The following DEDD2 variants were observed in gnomAD, a reference collection of about 807,000 sequenced individuals.
DEDD2 encodes the protein DNA-binding death effector domain-containing protein 2.
A neutral mutation model predicts 28.9 loss-of-function variants in DEDD2; 18 were observed. The ratio of observed to expected loss-of-function variants is 0.62; its 90% confidence interval spans 0.43 to 0.92. DEDD2 has a LOEUF of 0.92. Among genes scored for constraint, DEDD2 ranks in the 40% least tolerant of loss-of-function variants. The pLI is 0.00. For missense variants in DEDD2, 411 were observed against 463.3 expected (o/e 0.89, Z 1.04); for synonymous variants, 211 against 206.1 (o/e 1.02, Z -0.20).
chr19:42,209,562 A>C lies in DEDD2; in HGVS notation c.589+138T>G, dbSNP rs764160840. ...AGGCAAGATGGCGAGAGAAAGGACA[A>C]GAATTCCACTGTGGTGAACGAGAGC... On this transcript the variant is annotated intron_variant, in intron 4 of 4. Transcript: ENST00000596251. The C allele has an allele frequency of 5.5e-5, 70 of 1,278,712 alleles. 1 individual carries two copies. In the Middle Eastern group the frequency reaches 1.8e-3, roughly 32 times the overall value. 79.2% of individuals were successfully genotyped at this position (1,278,712 alleles called of 1,614,324 possible).
intron 4 of DEDD2, among the ~76,000 whole-genome samples, chr19:42,202,797 C>T (rs113967874): frequency 2.5e-4 from 38 of 152,330 alleles, no homozygotes; most frequent in South Asian, 4.1e-4. Flanking sequence ...CACACACTCC[C>T]ACCTCTGAGC....
At chr19:42,217,361 ACT>A (rs1450695703) in intron 1 of DEDD2, among the ~76,000 whole-genome samples, 2 of 151,718 alleles carry the variant, frequency 1.3e-5, no homozygotes, top group East Asian at 3.9e-4. Flanking sequence ...ACTGCCCCTG[ACT>A]CTGGGTAGGA....
At chr19:42,219,140 A>G (rs2036082118), upstream of DEDD2, among the ~76,000 whole-genome samples, 1 of 151,716 alleles carries the variant, frequency 6.6e-6, no homozygotes, top group South Asian at 2.1e-4. Context: ...CCCCATCTCT[A>G]CTAAAAATAC....
intron 3 of DEDD2, among the ~76,000 whole-genome samples, chr19:42,212,465 CG>C (rs961484772): frequency 6.7e-6 from 1 of 149,452 alleles, no homozygotes; most frequent in Non-Finnish European, 1.5e-5. Flanking sequence ...ACACCCGGCT[CG>C]TTTTTTTTTT....
rs1162473827 is a variant in DEDD2 at position 42,199,077 on chromosome 19, G to A, written c.*361C>T. On this transcript the variant is annotated 3_prime_UTR_variant, in exon 5 of 5. Transcript: ENST00000596251. This position sits in a 1 kb window ranked among gnomAD's most constrained non-coding sequence, Gnocchi z 7.4. ...CAGCAGGGGCAGTGTGAGCATGAGC[G>A]AGTGTGTGCACCTGTGACAGTGCAG... 7 of 255,168 alleles carry A rather than the reference G, an allele frequency of 2.7e-5. No individual in the cohort carries two copies. The highest frequency in any genetic ancestry group is 6.8e-5 in the South Asian group (1 of 14,694). The allele number at this position is 255,168 out of a possible 1,614,324, so 15.8% of individuals were successfully genotyped here.
At chr19:42,209,297 C>T (rs1009090889) in intron 4 of DEDD2, among the ~76,000 whole-genome samples, 6 of 152,236 alleles carry the variant, frequency 3.9e-5, no homozygotes, top group South Asian at 2.1e-4. Flanking sequence ...AATTACTGGC[C>T]TGAGGTCAGA....
At chr19:42,210,787 C>A (rs1004803314) in intron 3 of DEDD2, among the ~76,000 whole-genome samples, 1 of 151,854 alleles carries the variant, frequency 6.6e-6, no homozygotes, top group East Asian at 1.9e-4. Flanking sequence ...ACAAATAGGC[C>A]GCACACGGTG....
intron 4 of DEDD2, among the ~76,000 whole-genome samples, chr19:42,200,820 G>A (rs940003219): frequency 4.6e-5 from 7 of 152,220 alleles, no homozygotes; most frequent in African/African-American, 1.7e-4. Context: ...CCCCACATCT[G>A]CGCAAAAGAG....
At chr19:42,214,366 G>A (rs548311061) in intron 3 of DEDD2, among the ~76,000 whole-genome samples, 6 of 152,000 alleles carry the variant, frequency 3.9e-5, no homozygotes, top group Admixed American at 2.0e-4. Flanking sequence ...GCTGAGGCAG[G>A]AGAATTGCTT....
At chr19:42,217,114 G>T in intron 1 of DEDD2, 69 bp from the exon 2 acceptor site, 1 of 1,228,046 alleles carries the variant, frequency 8.1e-7, no homozygotes, top group South Asian at 1.3e-5. Context: ...CACCGCCAGC[G>T]CGTCTCCCCC....
At chr19:42,201,993 A>G in intron 4 of DEDD2, 1 of 398,714 alleles carries the variant, frequency 2.5e-6, no homozygotes, top group Non-Finnish European at 4.4e-6. Context: ...ACAGACCTTG[A>G]GGTGAGTCCC....
At chr19:42,213,418 T>C (rs2035842675) in intron 3 of DEDD2, among the ~76,000 whole-genome samples, 1 of 152,140 alleles carries the variant, frequency 6.6e-6, no homozygotes. Flanking sequence ...ATAGACTGTT[T>C]ACTAACCATG....
In DEDD2 at chr19:42,216,855, C is replaced by G. The variant is rs1424013451; in HGVS notation, c.153G>C (p.Glu51Asp). 1.3e-6 allele frequency: 2 copies of G among 1,592,402 alleles called. No homozygotes were observed. The highest frequency in any genetic ancestry group is 1.7e-6 in the Non-Finnish European group (2 of 1,170,156). The change falls in exon 2 of 5, where the codon GAG becomes GAC. Residue 51 changes from glutamate (E) to aspartate (D), a missense_variant. This residue lies in a region of DEDD2 where 282 missense variants were observed against 273.4 expected (regional missense o/e 1.03). Coordinates refer to ENST00000596251, the MANE Select transcript of DEDD2 (RefSeq NM_133328.4). The stretch of plus-strand genomic sequence containing the variant: ...CTAAGCCTCCGGCGGCGCCAGGAGC[C>G]TCATCCAGCAGAAAGGCCAGGAGCT... ...ELELLAFLLD[E>D]APGAAGGLAR...
chr19:42,215,785 A>T (rs1027767476), intron 2 of DEDD2, among the ~76,000 whole-genome samples: 1 of 152,112 alleles, frequency 6.6e-6, no homozygotes, highest in African/African-American at 2.4e-5. Context: ...CTATTCATGC[A>T]CACGGCTACC....
intron 4 of DEDD2, among the ~76,000 whole-genome samples, chr19:42,206,086 TAA>T (rs752450468): frequency 6.3e-5 from 8 of 127,602 alleles, no homozygotes; most frequent in Admixed American, 8.0e-5. Context: ...TCTCATAATT[TAA>T]AAAAAAAAAA....
chr19:42,202,239 C>T (rs987624187), intron 4 of DEDD2, among the ~76,000 whole-genome samples: 16 of 151,688 alleles, frequency 1.1e-4, no homozygotes, highest in African/African-American at 3.9e-4. Flanking sequence ...CTCACCCAGG[C>T]CTTCATCTCT....
Position 42,198,819 on chromosome 19 carries a change from G to A in DEDD2, c.*619C>T, listed in dbSNP as rs913313613. ...AGTCTATGTTCAGCTCTGGACAGCA[G>A]GGGGGAAGGTGAGGAGAGTCAGGTC... On this transcript the variant is annotated 3_prime_UTR_variant, in exon 5 of 5. Transcript: ENST00000596251. 2.0e-5 allele frequency: 3 copies of A among 153,296 alleles called. No homozygotes were observed. Among genetic ancestry groups the A allele is most frequent in the African/African-American group, 7.2e-5 (3 of 41,470 alleles). The allele number at this position is 153,296 out of a possible 1,614,324, so 9.5% of individuals were successfully genotyped here. A position where few individuals can be genotyped will look rare whatever the true frequency, so the allele number is the denominator to read the frequency against.
At chr19:42,207,330 G>A (rs1362660219) in intron 4 of DEDD2, among the ~76,000 whole-genome samples, 1 of 152,182 alleles carries the variant, frequency 6.6e-6, no homozygotes, top group Non-Finnish European at 1.5e-5. Context: ...CGCGTGCTTT[G>A]TGGGCTGGAG....
At chr19:42,211,445 GA>G (rs1416904487) in intron 3 of DEDD2, among the ~76,000 whole-genome samples, 5 of 131,178 alleles carry the variant, frequency 3.8e-5, no homozygotes, top group East Asian at 5.4e-4. Context: ...GGGAGGGAGG[GA>G]GGGAAGGAGG....
Sources: allele counts gnomAD v4.1 joint callset (sites outside exome capture counted in the v4.1 genomes callset), GRCh38; gene constraint gnomAD v4.1.1; regional missense constraint gnomAD v4.1.1; non-coding constraint Gnocchi (gnomAD v3.1); transcripts MANE v1.5; gene names NCBI Gene and HGNC (gene_info 2026-07-23, HGNC 2026-07-21).